The following E2F8 variants were observed in gnomAD, a reference collection of about 807,000 sequenced individuals.
The protein encoded by E2F8 is transcription factor E2F8.
In E2F8, 35 loss-of-function variants were observed where a neutral mutation model predicts 80.8. That is an observed-to-expected ratio of 0.43 (90% confidence interval 0.33 to 0.57). The LOEUF is 0.57. Ranked by LOEUF, E2F8 falls within the 20% of genes least tolerant of loss-of-function variation. The probability of loss-of-function intolerance (pLI) is 0.04; values close to 1 mark genes in which losing one functional copy is unlikely to be tolerated. For synonymous variants in E2F8, 386 were observed against 395.0 expected (o/e 0.98, Z 0.27); for missense variants, 975 against 1,056.2 (o/e 0.92, Z 1.07).
At position 19,239,208 on chromosome 11, in the gene E2F8, C is replaced by T. The variant is rs535582476; in HGVS notation, c.15+899G>A. ...TTCATGGAATCCTGCATTCTTAGCT[C>T]GCAGAAGAGAAGATGCAGGCTGAGA... On this transcript the variant is annotated intron_variant, in intron 2 of 12. Coordinates refer to ENST00000250024, the MANE Select transcript of E2F8 (RefSeq NM_024680.4). Among the ~76,000 whole-genome samples, 60 of 152,246 alleles carry T rather than the reference C, an allele frequency of 3.9e-4. 1 individual carries two copies. The highest frequency in any genetic ancestry group is 3.3e-4 in the Admixed American group (5 of 15,300).
chr11:19,238,923 G>C (rs1225914549), intron 2 of E2F8, among the ~76,000 whole-genome samples: 1 of 152,190 alleles, frequency 6.6e-6, no homozygotes, highest in Non-Finnish European at 1.5e-5. Flanking sequence ...CACAAAGCTA[G>C]ATCCTGGCAG....
Position 19,232,290 on chromosome 11 carries a change from C to A in E2F8, c.1010G>T (p.Arg337Ile), listed in dbSNP as rs767299274. Residue 337 changes from arginine to isoleucine, a missense_variant, in exon 7 of 13, where the codon AGA becomes ATA. By Grantham distance (97) the Arg-to-Ile change is moderately conservative (BLOSUM62 -3). Coordinates refer to ENST00000250024, the MANE Select transcript of E2F8 (RefSeq NM_024680.4). ...LIKKVHVTEERGRKPAFKWTG... is the reference protein window; with the variant it reads ...LIKKVHVTEEIGRKPAFKWTG... ...CCATTTGAAAGCTGGTTTTCGGCCT[C>A]TTTCCTCTGTAACATGAACTTTCTT... The A allele has an allele frequency of 6.2e-7, 1 of 1,614,204 alleles. No individual in the cohort carries two copies. The highest frequency in any genetic ancestry group is 1.7e-5 in the Admixed American group (1 of 60,020).
chr11:19,232,118 G>A lies in E2F8; in HGVS notation c.1066+116C>T. On this transcript the variant is annotated intron_variant, in intron 7 of 12. Transcript: ENST00000250024. ...TGCATGTTCTCACTCGTAAGTGGGAGTTGAACAATGAGAACACATGGACAC... is the reference window on the plus strand; with the variant it reads ...TGCATGTTCTCACTCGTAAGTGGGAATTGAACAATGAGAACACATGGACAC... 2.8e-6 allele frequency: 4 copies of A among 1,425,378 alleles called. No individual in the cohort carries two copies. In the Middle Eastern group the frequency reaches 5.5e-4, roughly 196 times the overall value. 88.3% of individuals were successfully genotyped at this position (1,425,378 alleles called of 1,614,324 possible).
rs1461841947 is a variant in E2F8 at position 19,224,507 on chromosome 11, A to ATG, written c.*150_*151insCA. 7 of 616,942 alleles carry ATG rather than the reference A, an allele frequency of 1.1e-5. No homozygotes were observed. Among genetic ancestry groups the ATG allele is most frequent in the African/African-American group, 9.2e-5 (5 of 54,156 alleles). 38.2% of individuals were successfully genotyped at this position (616,942 alleles called of 1,614,324 possible). A position where few individuals can be genotyped will look rare whatever the true frequency, so the allele number is the denominator to read the frequency against. The stretch of plus-strand genomic sequence containing the variant: ...TGTGTGTGTGTGTGTGTATATATAT[A>ATG]TATGTATGAAAACAACTATCTGATT... On this transcript the variant is annotated 3_prime_UTR_variant, in exon 13 of 13. Transcript: ENST00000250024.
chr11:19,230,667 T>A lies in E2F8; in HGVS notation c.1234A>T (p.Asn412Tyr). 1 of 1,614,196 alleles carries A rather than the reference T, an allele frequency of 6.2e-7. No individual in the cohort carries two copies. The highest frequency in any genetic ancestry group is 8.5e-7 in the Non-Finnish European group (1 of 1,180,034). Residue 412 changes from asparagine (N) to tyrosine (Y), a missense_variant, in exon 8 of 13, where the codon AAT becomes TAT. Physicochemically the swap from Asn to Tyr is moderately radical, Grantham distance 143. Coordinates refer to ENST00000250024, the MANE Select transcript of E2F8 (RefSeq NM_024680.4). Reference sequence around the variant, plus strand: ...TTGATAGGGCTACTGGGCGCAGAATTTATCTTTCTCCGATCACTTTCTATA... The same window carrying A: ...TTGATAGGGCTACTGGGCGCAGAATATATCTTTCTCCGATCACTTTCTATA... Reference protein sequence around the residue: ...KSIESDRRKINSAPSSPIKTN... With the variant: ...KSIESDRRKIYSAPSSPIKTN...
intron 10 of E2F8, 54 bp from the exon 11 acceptor site, chr11:19,225,918 G>A: frequency 6.3e-7 from 1 of 1,575,562 alleles, no homozygotes; most frequent in Non-Finnish European, 8.6e-7. Context: ...GAAGAAAAAT[G>A]GCCACGTGCC....
intron 1 of E2F8, 147 bp from the exon 2 acceptor site, chr11:19,240,377 C>G (rs1851627078): frequency 6.8e-6 from 2 of 293,566 alleles, no homozygotes; most frequent in Non-Finnish European, 1.3e-5. Context: ...GACCAGAGAT[C>G]GCCCCACTGA....
At chr11:19,227,030 G>A (rs1441949434) in intron 10 of E2F8, among the ~76,000 whole-genome samples, 1 of 152,202 alleles carries the variant, frequency 6.6e-6, no homozygotes, top group Admixed American at 6.5e-5. Context: ...GTTTACACGG[G>A]TGCCTGAACT....
intron 4 of E2F8, among the ~76,000 whole-genome samples, chr11:19,236,346 AT>A (rs1191743252): frequency 1.3e-5 from 2 of 151,930 alleles, no homozygotes; most frequent in Non-Finnish European, 2.9e-5. Context: ...TCTACAATTT[AT>A]TTTTTCCACT....
At chr11:19,237,508 T>A in intron 3 of E2F8, 38 bp from the exon 4 acceptor site, 2 of 1,596,678 alleles carry the variant, frequency 1.3e-6, no homozygotes, top group Non-Finnish European at 1.7e-6. Flanking sequence ...TATTCTAAAA[T>A]AAAGTCTGAC....
At chr11:19,224,892 T>C (rs765628697) in intron 12 of E2F8, 52 bp from the exon 13 acceptor site, 25 of 1,591,036 alleles carry the variant, frequency 1.6e-5, no homozygotes, top group African/African-American at 8.1e-5. Flanking sequence ...CACAGGTACA[T>C]AGTCTTACCA....
rs1490887986 is a variant in E2F8 at position 19,229,717 on chromosome 11, C to A, written c.1630G>T (p.Val544Leu). ...VTPPQGLSPT[V>L]CTTHSSKATG... ...GCTTTAGAAGAGTGGGTGGTGCACA[C>A]CGTTGGGCTCAGGCCTTGGGGTGGC... Residue 544 changes from valine to leucine, a missense_variant, in exon 10 of 13, where the codon GTG (valine) becomes TTG (leucine). Val to Leu is a conservative substitution (Grantham distance 32, BLOSUM62 1). Coordinates refer to ENST00000250024, the MANE Select transcript of E2F8 (RefSeq NM_024680.4). This position sits in a 1 kb window ranked among gnomAD's most constrained non-coding sequence, Gnocchi z 4.3. The A allele has an allele frequency of 6.2e-7, 1 of 1,614,140 alleles. No homozygotes were observed. Among genetic ancestry groups the A allele is most frequent in the South Asian group, 1.1e-5 (1 of 91,062 alleles).
At position 19,240,202 on chromosome 11, in the gene E2F8, C is replaced by A. The variant is rs986978856; in HGVS notation, c.-81G>T. 14 of 899,290 alleles carry A rather than the reference C, an allele frequency of 1.6e-5. No individual in the cohort carries two copies. The African/African-American group carries it at 2.2e-4, about 14-fold the overall frequency. The allele number at this position is 899,290 out of a possible 1,614,324, so 55.7% of individuals were successfully genotyped here. A position where few individuals can be genotyped will look rare whatever the true frequency, so the allele number is the denominator to read the frequency against. Reference sequence around the variant, plus strand: ...CCAAATCCCGATGGTTCAAGTAGTCCAATCAATTGTACTAAAAGTTTTAAT... The same window carrying A: ...CCAAATCCCGATGGTTCAAGTAGTCAAATCAATTGTACTAAAAGTTTTAAT... On this transcript the variant is annotated 5_prime_UTR_variant, in exon 2 of 13. Coordinates refer to ENST00000250024, the MANE Select transcript of E2F8 (RefSeq NM_024680.4).
At chr11:19,226,176 C>G in intron 10 of E2F8, 1 of 289,688 alleles carries the variant, frequency 3.5e-6, no homozygotes, top group East Asian at 6.1e-5. Context: ...AAACTGATAA[C>G]TTAACTCTTG....
rs1190870253 is a variant in E2F8 at position 19,234,017 on chromosome 11, G to A, written c.928+343C>T. ...ATAAAAATTAGCCGGGTGTGGTGGC[G>A]CGCAACTGTAATCCCAGCTACTCCG... On this transcript the variant is annotated intron_variant, in intron 6 of 12. Transcript: ENST00000250024. Among the ~76,000 whole-genome samples, 5 of 151,460 alleles carry A rather than the reference G, an allele frequency of 3.3e-5. No homozygotes were observed. In the South Asian group the frequency reaches 6.3e-4, roughly 19 times the overall value.
intron 10 of E2F8, among the ~76,000 whole-genome samples, chr11:19,228,781 T>C (rs1253450526): frequency 6.6e-6 from 1 of 152,218 alleles, no homozygotes; most frequent in Admixed American, 6.5e-5. Flanking sequence ...AATGAGATAC[T>C]GTATGTAAAA....
chr11:19,226,142 G>A (rs922370989), intron 10 of E2F8: 53 of 400,060 alleles, frequency 1.3e-4, no homozygotes, highest in African/African-American at 9.1e-4. Context: ...TTAGGGGTAA[G>A]GATTCATCCA....
chr11:19,238,101 C>A lies in E2F8; in HGVS notation c.47G>T (p.Gly16Val), dbSNP rs769694135. The A allele has an allele frequency of 6.2e-7, 1 of 1,613,776 alleles. No homozygotes were observed. Among genetic ancestry groups the A allele is most frequent in the South Asian group, 1.1e-5 (1 of 91,018 alleles). Reference protein sequence around the residue: ...ENLFCEPHKRGLMKTPLKEST... With the variant: ...ENLFCEPHKRVLMKTPLKEST... ...TTCTTTCAGAGGTGTTTTCATTAGT[C>A]CCCTTTTATGTGGCTCACAAAAGAG... Residue 16 changes from glycine to valine, a missense_variant, in exon 3 of 13, where the codon GGA (glycine) becomes GTA (valine). By Grantham distance (109) the Gly-to-Val change is moderately radical. Transcript: ENST00000250024.
chr11:19,238,056 A>C lies in E2F8; in HGVS notation c.92T>G (p.Val31Gly). 6.2e-7 allele frequency: 1 copy of C among 1,614,114 alleles called. No homozygotes were observed. The highest frequency in any genetic ancestry group is 8.5e-7 in the Non-Finnish European group (1 of 1,180,018). The change falls in exon 3 of 13, where the codon GTG (valine) becomes GGG (glycine). Residue 31 changes from valine to glycine, a missense_variant. Transcript: ENST00000250024. The stretch of plus-strand genomic sequence containing the variant: ...AAAGTCAGGCTGGATCTCTGCCAAC[A>C]CGATATTTGCTGTGGTGGATTCTTT... ...PLKESTTANIVLAEIQPDFGP... is the reference protein window; with the variant it reads ...PLKESTTANIGLAEIQPDFGP...
Sources: allele counts gnomAD v4.1 joint callset (sites outside exome capture counted in the v4.1 genomes callset), GRCh38; gene constraint gnomAD v4.1.1; non-coding constraint Gnocchi (gnomAD v3.1); transcripts MANE v1.5; gene names NCBI Gene and HGNC (gene_info 2026-07-23, HGNC 2026-07-21).